The following CACNA1B variants were observed in gnomAD, a reference collection of about 807,000 sequenced individuals.
The protein encoded by CACNA1B is calcium voltage-gated channel subunit alpha1 B, also known as voltage-dependent N-type calcium channel subunit alpha-1B.
A neutral mutation model predicts 247.2 loss-of-function variants in CACNA1B; 70 were observed. That is an observed-to-expected ratio of 0.28 (90% CI 0.23 to 0.35). CACNA1B has a LOEUF of 0.35. Among genes scored for constraint, CACNA1B ranks in the 10% least tolerant of loss-of-function variants. CACNA1B has a pLI of 1.00. For missense variants in CACNA1B, 2,367 were observed against 3,197.4 expected, an observed-to-expected ratio of 0.74 and a Z score of 6.26; for synonymous variants, 1,231 against 1,294.4, an observed-to-expected ratio of 0.95 and a Z score of 1.05.
rs746673944 is a variant in CACNA1B, at chr9:137,974,269, C to T, written c.1544-1638C>T. Among the ~76,000 whole-genome samples the T allele has an allele frequency of 9.2e-5, 14 of 152,308 alleles. No homozygotes were observed. The South Asian group carries it at 1.0e-3, about 11-fold the overall frequency. On this transcript the variant is annotated intron_variant, in intron 11 of 46. Coordinates refer to ENST00000371372, the MANE Select transcript of CACNA1B (RefSeq NM_000718.4). This position sits in a 1 kb window ranked among gnomAD's most constrained non-coding sequence, Gnocchi z 4.5. Reference sequence around the variant, plus strand: ...AGTTGAGGGTGGATCCTTCCATTCCCGAGCAGCCCTGCCTGAGGGTCGCTG... The same window carrying T: ...AGTTGAGGGTGGATCCTTCCATTCCTGAGCAGCCCTGCCTGAGGGTCGCTG...
chr9:137,992,502 T>TAC (rs1308489299), intron 15 of CACNA1B, among the ~76,000 whole-genome samples: 4 of 152,248 alleles, frequency 2.6e-5, no homozygotes, highest in South Asian at 2.1e-4. Context: ...GGGACTTTGA[T>TAC]ACTCCACTGA....
chr9:137,959,584 G>GA (rs879843618), intron 10 of CACNA1B, among the ~76,000 whole-genome samples: 1,706 of 142,908 alleles, frequency 0.012, 15 homozygotes, highest in East Asian at 0.044. Context: ...ATCCAAAAAA[G>GA]AAAAAAAAAA....
intron 6 of CACNA1B, among the ~76,000 whole-genome samples, chr9:137,942,408 C>T (rs1024234291): frequency 5.9e-5 from 9 of 152,258 alleles, no homozygotes; most frequent in South Asian, 2.1e-4. Context: ...GTATGGGAAA[C>T]GATGTGGAGA....
rs79159353 is a variant in CACNA1B at position 138,008,548 on chromosome 9, C to A, written c.2093-1462C>A. Among the ~76,000 whole-genome samples, 1,522 of 152,294 alleles carry A rather than the reference C, an allele frequency of 1.0e-2. 30 individuals are homozygous for A. The highest frequency in any genetic ancestry group is 0.034 in the African/African-American group (1,432 of 41,570). On this transcript the variant is annotated intron_variant, in intron 16 of 46. Transcript: ENST00000371372. ...GGCTCTGGCCTGGGGTATGCGCTCC[C>A]TTGACCCCCAGGGAGGGGGCACCTG...
intron 31 of CACNA1B, among the ~76,000 whole-genome samples, chr9:138,062,448 C>T (rs1198163956): frequency 6.6e-6 from 1 of 152,184 alleles, no homozygotes; most frequent in African/African-American, 2.4e-5. Flanking sequence ...ATGTTGTGTG[C>T]TGTGTCCTCT....
Position 138,123,632 on chromosome 9 carries a change from G to A in CACNA1B, c.*1633G>A, listed in dbSNP as rs1379431004. The A allele has an allele frequency of 6.6e-6, 1 of 152,116 alleles. No individual in the cohort carries two copies. The highest frequency in any genetic ancestry group is 1.5e-5 in the Non-Finnish European group (1 of 68,050). 9.4% of individuals were successfully genotyped at this position (152,116 alleles called of 1,614,324 possible). A position where few individuals can be genotyped will look rare whatever the true frequency, so the allele number is the denominator to read the frequency against. ...CAGTGCCTGTACAGGTGTGTTCAGT[G>A]TGTGGATGTCATTAACCCATAGGGC... On this transcript the variant is annotated 3_prime_UTR_variant, in exon 47 of 47. Coordinates refer to ENST00000371372, the MANE Select transcript of CACNA1B (RefSeq NM_000718.4).
At chr9:137,991,141 A>G (rs1250062463) in intron 15 of CACNA1B, among the ~76,000 whole-genome samples, 1 of 152,238 alleles carries the variant, frequency 6.6e-6, no homozygotes, top group African/African-American at 2.4e-5. Context: ...TAAGCTAATC[A>G]AGGAGGTACC....
At chr9:138,090,518 CAA>C (rs909994882) in intron 36 of CACNA1B, among the ~76,000 whole-genome samples, 6 of 151,850 alleles carry the variant, frequency 4.0e-5, no homozygotes, top group African/African-American at 1.5e-4. Context: ...GAGAAGACCT[CAA>C]GAGCACAGGC....
At chr9:137,906,564 G>A (rs149172403) in intron 3 of CACNA1B, among the ~76,000 whole-genome samples, 15 of 152,144 alleles carry the variant, frequency 9.9e-5, no homozygotes, top group Admixed American at 3.9e-4. Flanking sequence ...CCCGTGTGAT[G>A]CCTTATTTAA....
chr9:137,902,858 A>G (rs990982031), intron 3 of CACNA1B, among the ~76,000 whole-genome samples: 1 of 152,202 alleles, frequency 6.6e-6, no homozygotes, highest in Non-Finnish European at 1.5e-5. Flanking sequence ...CTGCACACAG[A>G]TGTCTCAGCA....
Position 138,013,246 on chromosome 9 carries a change from T to A in CACNA1B, c.2267+11T>A. 1.3e-6 allele frequency: 2 copies of A among 1,564,746 alleles called. No homozygotes were observed. Among genetic ancestry groups the A allele is most frequent in the Non-Finnish European group, 1.7e-6 (2 of 1,155,232 alleles). ...CATCTCCATCGCCGCGTAAGGCTCC[T>A]AGGAGTGGATTGTGGGGTGGCAGTG... On this transcript the variant is annotated intron_variant, in intron 18 of 46. Coordinates refer to ENST00000371372, the MANE Select transcript of CACNA1B (RefSeq NM_000718.4).
intron 10 of CACNA1B, among the ~76,000 whole-genome samples, chr9:137,967,964 G>A (rs1296793514): frequency 1.3e-5 from 2 of 152,250 alleles, no homozygotes; most frequent in Non-Finnish European, 2.9e-5. Flanking sequence ...CGTTGGAGAT[G>A]CTGCTTGCGC....
intron 3 of CACNA1B, among the ~76,000 whole-genome samples, chr9:137,906,708 T>G (rs2133267313): frequency 6.6e-6 from 1 of 152,330 alleles, no homozygotes; most frequent in Middle Eastern, 3.4e-3. Flanking sequence ...TGTGTTTCTC[T>G]TCATCCCCAT....
intron 20 of CACNA1B, among the ~76,000 whole-genome samples, chr9:138,029,451 TA>T (rs1377199597): frequency 6.6e-6 from 1 of 152,212 alleles, no homozygotes; most frequent in Non-Finnish European, 1.5e-5. Flanking sequence ...ATGAGTTTGG[TA>T]AATTATATTT....
chr9:138,086,173 T>C (rs1445721579), intron 36 of CACNA1B, among the ~76,000 whole-genome samples: 1 of 151,226 alleles, frequency 6.6e-6, no homozygotes, highest in South Asian at 2.1e-4. Context: ...ATTCCCTCAC[T>C]TAAAGTATAT....
chr9:137,979,765 C>G (rs918209176), intron 12 of CACNA1B, among the ~76,000 whole-genome samples: 9 of 152,214 alleles, frequency 5.9e-5, no homozygotes, highest in African/African-American at 1.9e-4. Flanking sequence ...GAGACTCCTT[C>G]GGTGTAGTTC....
chr9:138,078,485 G>A (rs1201372406), intron 36 of CACNA1B, among the ~76,000 whole-genome samples: 1 of 152,246 alleles, frequency 6.6e-6, no homozygotes, highest in East Asian at 1.9e-4. Context: ...GTGGAAAAGG[G>A]TTACATTTCC....
rs979108184 is a variant in CACNA1B at position 137,971,999 on chromosome 9, C to T, written c.1543+407C>T. ...CTTAGCCCCACGCTCCTTTCCACCA[C>T]GTGGCTGCTGATTCTGCCCCGGGTT... On this transcript the variant is annotated intron_variant, in intron 11 of 46. Transcript: ENST00000371372. The surrounding 1 kb of genome is among the most constrained non-coding windows in gnomAD (Gnocchi z 4.4). 5.3e-5 allele frequency among the ~76,000 whole-genome samples: 8 copies of T among 152,200 alleles called. No homozygotes were observed. Among genetic ancestry groups the T allele is most frequent in the Non-Finnish European group, 8.8e-5 (6 of 68,030 alleles).
At position 137,913,361 on chromosome 9, in the gene CACNA1B, G is replaced by A; in HGVS notation, c.622+90G>A. 1 of 1,050,202 alleles carries A rather than the reference G, an allele frequency of 9.5e-7. No individual in the cohort carries two copies. The highest frequency in any genetic ancestry group is 1.4e-6 in the Non-Finnish European group (1 of 700,758). The allele number at this position is 1,050,202 out of a possible 1,614,324, so 65.1% of individuals were successfully genotyped here. A position where few individuals can be genotyped will look rare whatever the true frequency, so the allele number is the denominator to read the frequency against. On this transcript the variant is annotated intron_variant, in intron 4 of 46. Transcript: ENST00000371372. This position sits in a 1 kb window ranked among gnomAD's most constrained non-coding sequence, Gnocchi z 5.2. The stretch of plus-strand genomic sequence containing the variant: ...CGGACATGGCCATGGCCATGGTTTG[G>A]CTTTGGTGACTCTGAGCTTGCCACT...
Sources: allele counts gnomAD v4.1 joint callset (sites outside exome capture counted in the v4.1 genomes callset), GRCh38; gene constraint gnomAD v4.1.1; non-coding constraint Gnocchi (gnomAD v3.1); transcripts MANE v1.5; gene names NCBI Gene and HGNC (gene_info 2026-07-23, HGNC 2026-07-21).